Variants in CD3G observed in about 807,000 individuals in gnomAD.
The protein encoded by CD3G is T-cell surface glycoprotein CD3 gamma chain.
In CD3G, 24 loss-of-function variants were observed where a neutral mutation model predicts 28.3. The observed-to-expected ratio is 0.85, with a 90% CI of 0.61 to 1.19. CD3G has a LOEUF of 1.19. Ranked by LOEUF, CD3G falls within the 50% of genes most tolerant of loss-of-function variation. The pLI, the probability that CD3G is intolerant of heterozygous loss-of-function variation, is 0.00. For synonymous variants in CD3G, 71 were observed against 75.9 expected (o/e 0.93, Z 0.34); for missense variants, 211 against 210.0 (o/e 1.00, Z -0.03).
chr11:118,352,858 G>C (rs908703905), intron 6 of CD3G, among the ~76,000 whole-genome samples: 1 of 152,128 alleles, frequency 6.6e-6, no homozygotes. Flanking sequence ...AGCATCCCTG[G>C]CCTCTCTCCA....
chr11:118,349,194 A>C, intron 2 of CD3G, 144 bp downstream of exon 2: 1 of 1,597,224 alleles, frequency 6.3e-7, no homozygotes, highest in Non-Finnish European at 8.5e-7. Context: ...TTGTCAACCA[A>C]ATCAGTGACC....
At position 118,349,778 on chromosome 11, in the gene CD3G, G is replaced by C. The variant is rs1252993654; in HGVS notation, c.115G>C (p.Asp39His). The C allele has an allele frequency of 1.9e-6, 3 of 1,614,100 alleles. No individual in the cohort carries two copies. The highest frequency in any genetic ancestry group is 1.7e-6 in the Non-Finnish European group (2 of 1,179,976). Residue 39 changes from aspartate (D) to histidine (H), a missense_variant, in exon 3 of 7, where the codon GAT becomes CAT. Coordinates refer to ENST00000532917, the MANE Select transcript of CD3G (RefSeq NM_000073.3). ...HLVKVYDYQEDGSVLLTCDAE... is the reference protein window; with the variant it reads ...HLVKVYDYQEHGSVLLTCDAE... The stretch of plus-strand genomic sequence containing the variant: ...GGTTAAGGTGTATGACTATCAAGAA[G>C]ATGGTTCGGTACTTCTGACTTGTGA...
Position 118,349,726 on chromosome 11 carries a change from G to T in CD3G, c.80-17G>T, listed in dbSNP as rs1411479750. 1 of 1,584,556 alleles carries T rather than the reference G, an allele frequency of 6.3e-7. No homozygotes were observed. The highest frequency in any genetic ancestry group is 8.7e-7 in the Non-Finnish European group (1 of 1,153,350). On this transcript the variant is annotated splice_polypyrimidine_tract_variant and intron_variant, in intron 2 of 6. Coordinates refer to ENST00000532917, the MANE Select transcript of CD3G (RefSeq NM_000073.3). The stretch of plus-strand genomic sequence containing the variant: ...GAGGCAAGATCCTTAATAGAACCAC[G>T]GCTTTTCTCATTTCAGGAAACCACT...
intron 2 of CD3G, 84 bp from the exon 3 acceptor site, chr11:118,349,659 A>G: frequency 9.7e-7 from 1 of 1,025,696 alleles, no homozygotes; most frequent in South Asian, 1.3e-5. Context: ...GAGAAACACT[A>G]CTCTAATGAT....
At chr11:118,350,190 G>T (rs190832431) in intron 3 of CD3G, 51 of 592,106 alleles carry the variant, frequency 8.6e-5, no homozygotes, top group African/African-American at 8.4e-4. Flanking sequence ...ACCTTTGGGT[G>T]GGCTCCATGG....
In CD3G at chr11:118,354,758, A is replaced by G. The variant is rs1230109464; in HGVS notation, c.*1658A>G. ...TGTCTTGTGTTTATTAACCATTCAT[A>G]TATTTTTAGTGAAATGTGTATCAAA... On this transcript the variant is annotated 3_prime_UTR_variant, in exon 7 of 7. Transcript: ENST00000532917. 2 of 152,230 alleles carry G rather than the reference A, an allele frequency of 1.3e-5. No individual in the cohort carries two copies. Among genetic ancestry groups the G allele is most frequent in the East Asian group, 3.9e-4 (2 of 5,188 alleles). 9.4% of individuals were successfully genotyped at this position (152,230 alleles called of 1,614,324 possible).
intron 1 of CD3G, among the ~76,000 whole-genome samples, chr11:118,344,820 G>A (rs141524604): frequency 6.6e-6 from 1 of 152,366 alleles, no homozygotes; most frequent in East Asian, 1.9e-4. Context: ...CAGAGCTGGG[G>A]GCTAGCAGTC....
Position 118,352,401 on chromosome 11 carries a change from C to T in CD3G, c.484-3C>T. 6.2e-7 allele frequency: 1 copy of T among 1,613,338 alleles called. No homozygotes were observed. Among genetic ancestry groups the T allele is most frequent in the Non-Finnish European group, 8.5e-7 (1 of 1,179,278 alleles). ...TGACTTATGACTGTGCTGTCCTTTCCAGCCCCTCAAGGATCGAGAAGATGA... is the reference window on the plus strand; with the variant it reads ...TGACTTATGACTGTGCTGTCCTTTCTAGCCCCTCAAGGATCGAGAAGATGA... On this transcript the variant is annotated splice_polypyrimidine_tract_variant and splice_region_variant and intron_variant, in intron 5 of 6. Coordinates refer to ENST00000532917, the MANE Select transcript of CD3G (RefSeq NM_000073.3).
At chr11:118,348,457 G>A (rs1441541166) in intron 1 of CD3G, among the ~76,000 whole-genome samples, 2 of 152,088 alleles carry the variant, frequency 1.3e-5, no homozygotes, top group Non-Finnish European at 2.9e-5. Flanking sequence ...CAGAGCCTCC[G>A]TGCCCTCTCC....
chr11:118,345,171 C>T (rs1481573756), intron 1 of CD3G, among the ~76,000 whole-genome samples: 1 of 151,746 alleles, frequency 6.6e-6, no homozygotes, highest in Admixed American at 6.6e-5. Flanking sequence ...GAAGATGGAA[C>T]AGTGAGGGCA....
At chr11:118,351,828 GAGA>G (rs1396790721) in intron 5 of CD3G, among the ~76,000 whole-genome samples, 157 bp downstream of exon 5, 1 of 152,036 alleles carries the variant, frequency 6.6e-6, no homozygotes, top group Non-Finnish European at 1.5e-5. Flanking sequence ...ATGAACTAAA[GAGA>G]AGGATTGACA....
At chr11:118,346,661 C>T (rs752804540) in intron 1 of CD3G, among the ~76,000 whole-genome samples, 6 of 151,616 alleles carry the variant, frequency 4.0e-5, no homozygotes, top group South Asian at 2.1e-4. Flanking sequence ...ACAAAAACTA[C>T]GAAAATTAGC....
At position 118,349,183 on chromosome 11, in the gene CD3G, A is replaced by G; in HGVS notation, c.79+133A>G. On this transcript the variant is annotated intron_variant, in intron 2 of 6. Transcript: ENST00000532917. The stretch of plus-strand genomic sequence containing the variant: ...ACGGGGATAGAGAGGTGATGTCTCT[A>G]TTGTCAACCAAATCAGTGACCTGAC... 5 of 1,602,394 alleles carry G rather than the reference A, an allele frequency of 3.1e-6. No homozygotes were observed. The South Asian group carries it at 5.5e-5, about 18-fold the overall frequency.
intron 3 of CD3G, 100 bp downstream of exon 3, chr11:118,350,070 A>G (rs1174050421): frequency 8.1e-6 from 7 of 864,896 alleles, no homozygotes; most frequent in African/African-American, 1.7e-5. Flanking sequence ...GATCCTCAAC[A>G]GTAATATTAT....
Position 118,352,588 on chromosome 11 carries a change from A to T in CD3G, c.*18+101A>T. 42 of 837,544 alleles carry T rather than the reference A, an allele frequency of 5.0e-5. No individual in the cohort carries two copies. The South Asian group carries it at 5.6e-4, about 11-fold the overall frequency. The allele number at this position is 837,544 out of a possible 1,614,324, so 51.9% of individuals were successfully genotyped here. A position where few individuals can be genotyped will look rare whatever the true frequency, so the allele number is the denominator to read the frequency against. ...CCTTCCCTAAGCGGCTATAAGCATC[A>T]GACTCTGGGGATCAGGGATTGGGAC... On this transcript the variant is annotated intron_variant, in intron 6 of 6. Transcript: ENST00000532917.
chr11:118,350,477 C>A, intron 3 of CD3G, 75 bp from the exon 4 acceptor site: 1 of 1,051,060 alleles, frequency 9.5e-7, no homozygotes, highest in Non-Finnish European at 1.5e-6. Flanking sequence ...GGCATTATTG[C>A]AGACAGGCAG....
rs562894285 is a variant in CD3G, at chr11:118,346,453, A to C, written c.55+1975A>C. 9.9e-5 allele frequency among the ~76,000 whole-genome samples: 15 copies of C among 152,066 alleles called. No individual in the cohort carries two copies. In the South Asian group the frequency reaches 1.5e-3, roughly 15 times the overall value. On this transcript the variant is annotated intron_variant, in intron 1 of 6. Coordinates refer to ENST00000532917, the MANE Select transcript of CD3G (RefSeq NM_000073.3). Reference sequence around the variant, plus strand: ...CTCCGTCTCAAAAAACAAAACAAAAAAAAAAGAAATGTGGCTATATGAACT... The same window carrying C: ...CTCCGTCTCAAAAAACAAAACAAAACAAAAAGAAATGTGGCTATATGAACT...
Position 118,349,851 on chromosome 11 carries a change from G to T in CD3G, c.188G>T (p.Gly63Val), listed in dbSNP as rs375826312. Residue 63 changes from glycine (G) to valine (V), a missense_variant, in exon 3 of 7, where the codon GGC becomes GTC. By Grantham distance (109) the Gly-to-Val change is moderately radical (BLOSUM62 -3). Transcript: ENST00000532917. ...TGGTTTAAAGATGGGAAGATGATCG[G>T]CTTCCTAACTGAAGATAAAAAAAAA... ...ITWFKDGKMI[G>V]FLTEDKKKWN... is the part of the protein sequence containing the mutation. 1.2e-5 allele frequency: 19 copies of T among 1,613,816 alleles called. No individual in the cohort carries two copies. In the South Asian group the frequency reaches 1.6e-4, roughly 14 times the overall value.
At position 118,352,485 on chromosome 11, in the gene CD3G, T is replaced by C; in HGVS notation, c.*16T>C. 6.2e-7 allele frequency: 1 copy of C among 1,607,636 alleles called. No homozygotes were observed. The highest frequency in any genetic ancestry group is 8.5e-7 in the Non-Finnish European group (1 of 1,174,614). On this transcript the variant is annotated splice_region_variant and 3_prime_UTR_variant, in exon 6 of 7. Transcript: ENST00000532917. ...GAGGAATTGAACTCAGGACTCAGAGTAGGTGGGTTCTTCAATGCCAATTCT... is the reference window on the plus strand; with the variant it reads ...GAGGAATTGAACTCAGGACTCAGAGCAGGTGGGTTCTTCAATGCCAATTCT...
Sources: allele counts gnomAD v4.1 joint callset (sites outside exome capture counted in the v4.1 genomes callset), GRCh38; gene constraint gnomAD v4.1.1; transcripts MANE v1.5; gene names NCBI Gene and HGNC (gene_info 2026-07-23, HGNC 2026-07-21).